FGF14: variants seen among roughly 807,000 people sequenced by gnomAD.
FGF14 encodes fibroblast growth factor homologous factor 4.
In FGF14, 5 loss-of-function variants were observed where a neutral mutation model predicts 25.5. That is an observed-to-expected ratio of 0.20 (90% confidence interval 0.10 to 0.41). FGF14 has a LOEUF of 0.41. Ranked by LOEUF, FGF14 falls within the 10% of genes least tolerant of loss-of-function variation. The pLI, the probability that FGF14 is intolerant of heterozygous loss-of-function variation, is 1.00. For synonymous variants in FGF14, 138 were observed against 118.3 expected (o/e 1.17, Z -1.08); for missense variants, 222 against 320.1 (o/e 0.69, Z 2.34).
At chr13:102,304,071 C>T (rs1052747367) in intron 1 of FGF14, among the ~76,000 whole-genome samples, 1 of 152,050 alleles carries the variant, frequency 6.6e-6, no homozygotes, top group Non-Finnish European at 1.5e-5. Context: ...AATCAGTTTG[C>T]CAAGTCACTA....
chr13:102,303,728 G>C (rs2055206231), intron 1 of FGF14, among the ~76,000 whole-genome samples: 1 of 152,126 alleles, frequency 6.6e-6, no homozygotes, highest in African/African-American at 2.4e-5. Context: ...CCAACCCATT[G>C]TTTTTCTAAA....
chr13:101,876,389 T>C (rs2045395391), intron 1 of FGF14, among the ~76,000 whole-genome samples: 1 of 152,160 alleles, frequency 6.6e-6, no homozygotes, highest in South Asian at 2.1e-4. Context: ...TAATGAAACC[T>C]AGCACCTTAT....
At chr13:101,796,616 T>C (rs754773826) in intron 3 of FGF14, among the ~76,000 whole-genome samples, 3 of 151,870 alleles carry the variant, frequency 2.0e-5, no homozygotes, top group Admixed American at 6.6e-5. Flanking sequence ...TCCAATAGTA[T>C]TGGTATCCTT....
At chr13:102,113,632 T>G (rs1175566058) in intron 1 of FGF14, among the ~76,000 whole-genome samples, 1 of 152,172 alleles carries the variant, frequency 6.6e-6, no homozygotes, top group African/African-American at 2.4e-5. Flanking sequence ...ACCCACCAGT[T>G]CCAAATCTCT....
At chr13:102,236,628 C>G (rs975196817) in intron 1 of FGF14, among the ~76,000 whole-genome samples, 3 of 152,092 alleles carry the variant, frequency 2.0e-5, no homozygotes, top group Non-Finnish European at 4.4e-5. Flanking sequence ...TGGTTTCCCT[C>G]CCCCAGGACT....
At chr13:101,913,345 C>T (rs576084512) in intron 1 of FGF14, among the ~76,000 whole-genome samples, 15 of 152,242 alleles carry the variant, frequency 9.9e-5, no homozygotes, top group African/African-American at 3.6e-4. Flanking sequence ...CCATTAATAG[C>T]CATCTTGCAA....
chr13:101,893,888 C>T (rs2030185961), intron 1 of FGF14, among the ~76,000 whole-genome samples: 1 of 152,146 alleles, frequency 6.6e-6, no homozygotes, highest in Non-Finnish European at 1.5e-5. Flanking sequence ...GAAACCAATA[C>T]ACCTGACAAG....
intron 1 of FGF14, among the ~76,000 whole-genome samples, chr13:102,161,654 A>AGACGAAGACGAAGACGAAGAC (rs1566765294): frequency 1.3e-4 from 2 of 14,974 alleles, no homozygotes; most frequent in Non-Finnish European, 2.6e-4. Context: ...AAGAAGAAGA[A>AGACGAAGACGAAGACGAAGAC]GAAGAAGAAG....
intron 1 of FGF14, among the ~76,000 whole-genome samples, chr13:102,026,586 G>A (rs930682613): frequency 1.3e-5 from 2 of 151,822 alleles, no homozygotes; most frequent in Non-Finnish European, 2.9e-5. Context: ...TGAGTTTAGT[G>A]TTCTGTATTA....
intron 1 of FGF14, among the ~76,000 whole-genome samples, chr13:102,186,089 T>C (rs967511351): frequency 3.3e-5 from 5 of 152,206 alleles, no homozygotes; most frequent in African/African-American, 1.2e-4. Flanking sequence ...ATTAACATGA[T>C]GTGATTTTTT....
intron 1 of FGF14, among the ~76,000 whole-genome samples, chr13:102,335,471 G>A (rs1249616690): frequency 6.6e-6 from 1 of 151,934 alleles, no homozygotes; most frequent in Non-Finnish European, 1.5e-5. Context: ...AATTTTAGCA[G>A]ACACAACCCA....
At chr13:101,772,447 G>C (rs2038837524) in intron 3 of FGF14, among the ~76,000 whole-genome samples, 1 of 152,048 alleles carries the variant, frequency 6.6e-6, no homozygotes, top group South Asian at 2.1e-4. Flanking sequence ...ATGTAGAAGA[G>C]ATGATTAATT....
At chr13:101,733,591 C>CAAA (rs553475621) in intron 3 of FGF14, among the ~76,000 whole-genome samples, 4 of 97,354 alleles carry the variant, frequency 4.1e-5, no homozygotes, top group Admixed American at 1.2e-4. Context: ...AAGACTCCAT[C>CAAA]AAAAAAAAAA....
intron 3 of FGF14, among the ~76,000 whole-genome samples, chr13:101,815,369 T>G (rs991956512): frequency 6.6e-6 from 1 of 152,074 alleles, no homozygotes; most frequent in Non-Finnish European, 1.5e-5. Context: ...CTTTAAAGAA[T>G]GCTTATCACC....
chr13:101,829,231 T>A (rs1385928038), intron 3 of FGF14, among the ~76,000 whole-genome samples: 1 of 152,068 alleles, frequency 6.6e-6, no homozygotes, highest in African/African-American at 2.4e-5. Flanking sequence ...TTATTAGACA[T>A]CCCTGTGGAA....
chr13:102,202,366 G>A (rs1188312719), intron 1 of FGF14, among the ~76,000 whole-genome samples: 1 of 152,290 alleles, frequency 6.6e-6, no homozygotes, highest in East Asian at 1.9e-4. Context: ...ATGGAAGTTG[G>A]TAACACTAGT....
intron 3 of FGF14, among the ~76,000 whole-genome samples, chr13:101,847,868 C>T (rs922356806): frequency 5.3e-5 from 8 of 151,868 alleles, no homozygotes; most frequent in Non-Finnish European, 7.4e-5. Flanking sequence ...TCACAGGAAA[C>T]GTTTAACAGA....
At chr13:101,775,717 T>C (rs540650150) in intron 3 of FGF14, among the ~76,000 whole-genome samples, 1 of 152,220 alleles carries the variant, frequency 6.6e-6, no homozygotes, top group African/African-American at 2.4e-5. Flanking sequence ...TTCCTGGAAG[T>C]TGGCAGGTAA....
chr13:101,902,864 T>C (rs1034554535), intron 1 of FGF14, among the ~76,000 whole-genome samples: 5 of 152,212 alleles, frequency 3.3e-5, no homozygotes, highest in African/African-American at 9.6e-5. Flanking sequence ...AAAAATCTAA[T>C]AGCTTTAGTT....
Sources: gnomAD v4.1 joint callset for allele counts (sites outside exome capture counted in the v4.1 genomes callset) on GRCh38, gnomAD v4.1.1 for gene constraint, MANE v1.5 for transcripts, NCBI Gene and HGNC (gene_info 2026-07-23, HGNC 2026-07-21) for gene names.